The following VAMP7 variants were observed in gnomAD, a reference collection of about 807,000 sequenced individuals.
The protein encoded by VAMP7 is vesicle-associated membrane protein 7.
A neutral mutation model predicts 29.6 loss-of-function variants in VAMP7; 14 were observed. The observed-to-expected ratio is 0.47, with a 90% CI of 0.31 to 0.74. VAMP7 has a LOEUF of 0.74. Among genes scored for constraint, VAMP7 ranks in the 30% least tolerant of loss-of-function variants. The pLI is 0.05. For missense variants in VAMP7, 223 were observed against 262.4 expected (o/e 0.85, Z 1.04); for synonymous variants, 95 against 88.1 (o/e 1.08, Z -0.44).
At chrX:155,884,558 T>TG (rs1272375769) in intron 1 of VAMP7, among the ~76,000 whole-genome samples, 1 of 152,242 alleles carries the variant, frequency 6.6e-6, no homozygotes, top group African/African-American at 2.4e-5. Context: ...GTCGTGAATT[T>TG]AGGATGTGCC....
At chrX:155,938,073 TG>T (rs2066689076) in intron 6 of VAMP7, among the ~76,000 whole-genome samples, 1 of 152,194 alleles carries the variant, frequency 6.6e-6, no homozygotes, top group Non-Finnish European at 1.5e-5. Flanking sequence ...CTGATGACTT[TG>T]TTTAAAATTA....
rs763253285 is a variant in VAMP7 at position 155,920,686 on chromosome X, C to T, written c.501+806C>T. On this transcript the variant is annotated intron_variant, in intron 6 of 7. Coordinates refer to ENST00000286448, the MANE Select transcript of VAMP7 (RefSeq NM_005638.6). The stretch of plus-strand genomic sequence containing the variant: ...TGTGACCTTAGGCAAATGACTTAAC[C>T]TCTTTGTGCCTCAGTCATCATCTTC... Among the ~76,000 whole-genome samples the T allele has an allele frequency of 8.5e-5, 13 of 152,266 alleles. No individual in the cohort carries two copies. The East Asian group carries it at 2.1e-3, about 25-fold the overall frequency.
At chrX:155,940,777 A>G (rs995837581) in intron 7 of VAMP7, among the ~76,000 whole-genome samples, 3 of 152,118 alleles carry the variant, frequency 2.0e-5, no homozygotes, top group Admixed American at 6.6e-5. Context: ...CATTTGTGGC[A>G]TGTGTATGTG....
At chrX:155,927,892 T>A (rs1396364858) in intron 6 of VAMP7, among the ~76,000 whole-genome samples, 1 of 151,848 alleles carries the variant, frequency 6.6e-6, no homozygotes, top group Non-Finnish European at 1.5e-5. Context: ...TTACCCCACC[T>A]TTGGCTTTTG....
intron 5 of VAMP7, among the ~76,000 whole-genome samples, chrX:155,910,041 T>C (rs141288343): frequency 2.0e-5 from 3 of 152,046 alleles, no homozygotes; most frequent in East Asian, 3.9e-4. Flanking sequence ...TTAGAACTTA[T>C]TCCTTCTATC....
chrX:155,931,012 C>T (rs1158752162), intron 6 of VAMP7, among the ~76,000 whole-genome samples: 3 of 152,132 alleles, frequency 2.0e-5, no homozygotes, highest in Non-Finnish European at 2.9e-5. Flanking sequence ...TTTCCAGCTT[C>T]ATCCATGTCC....
chrX:155,887,477 G>A (rs1215700299), intron 1 of VAMP7, among the ~76,000 whole-genome samples: 5 of 152,130 alleles, frequency 3.3e-5, no homozygotes, highest in Admixed American at 3.3e-4. Flanking sequence ...AGTAAGGTAA[G>A]AATAGAGAAG....
intron 5 of VAMP7, among the ~76,000 whole-genome samples, chrX:155,910,717 A>G (rs1170715425): frequency 2.6e-5 from 4 of 151,060 alleles, no homozygotes; most frequent in Admixed American, 6.6e-5. Context: ...GCATTTTTTC[A>G]TATACCTTTT....
intron 5 of VAMP7, among the ~76,000 whole-genome samples, chrX:155,908,133 C>T (rs1401221940): frequency 2.0e-5 from 3 of 152,202 alleles, no homozygotes; most frequent in Middle Eastern, 3.4e-3. Context: ...CAGGCAGAGA[C>T]GCTCCTCACT....
rs187575127 is a variant in VAMP7, at chrX:155,892,753, T to C, written c.147-2870T>C. On this transcript the variant is annotated intron_variant, in intron 2 of 7. Coordinates refer to ENST00000286448, the MANE Select transcript of VAMP7 (RefSeq NM_005638.6). ...CACTTTTCACACTGTATTATTATTATTATTATTATTATTATTGAGACGAAG... is the reference window on the plus strand; with the variant it reads ...CACTTTTCACACTGTATTATTATTACTATTATTATTATTATTGAGACGAAG... Among the ~76,000 whole-genome samples, 42 of 150,754 alleles carry C rather than the reference T, an allele frequency of 2.8e-4. 1 individual carries two copies. The highest frequency in any genetic ancestry group is 2.6e-3 in the Admixed American group (39 of 15,144).
At chrX:155,939,877 A>G in intron 7 of VAMP7, 84 bp downstream of exon 7, 1 of 1,147,518 alleles carries the variant, frequency 8.7e-7, no homozygotes, top group Non-Finnish European at 1.3e-6. Flanking sequence ...AATGATTAAC[A>G]CTCTGAAATG....
At chrX:155,914,118 T>C (rs972091386) in intron 5 of VAMP7, among the ~76,000 whole-genome samples, 11 of 152,150 alleles carry the variant, frequency 7.2e-5, no homozygotes, top group African/African-American at 2.7e-4. Context: ...ATTCTCTTTG[T>C]AGCAATTGTG....
intron 6 of VAMP7, among the ~76,000 whole-genome samples, chrX:155,926,876 G>T (rs752879346): frequency 3.6e-4 from 55 of 152,122 alleles, no homozygotes; most frequent in African/African-American, 1.3e-3. Context: ...TTGTGTCTCG[G>T]CAAATAGGGA....
intron 1 of VAMP7, among the ~76,000 whole-genome samples, chrX:155,889,043 TCTTAA>T (rs758394986): frequency 1.4e-3 from 212 of 152,240 alleles, no homozygotes; most frequent in African/African-American, 4.9e-3. Context: ...GAATCTAGAG[TCTTAA>T]CTTCTGTTGA....
intron 6 of VAMP7, among the ~76,000 whole-genome samples, chrX:155,938,405 G>T (rs1242967114): frequency 6.6e-6 from 1 of 152,190 alleles, no homozygotes; most frequent in Non-Finnish European, 1.5e-5. Flanking sequence ...GGAGTATGTG[G>T]TTGGAGATGA....
intron 6 of VAMP7, 50 bp downstream of exon 6, chrX:155,919,930 A>G (rs2066371645): frequency 2.2e-6 from 3 of 1,382,950 alleles, no homozygotes; most frequent in Non-Finnish European, 2.0e-6. Context: ...TGGAGAAACT[A>G]TGGATGATGG....
At position 155,898,354 on chromosome X, in the gene VAMP7, T is replaced by A. The variant is rs751225514; in HGVS notation, c.342+105T>A. 39 of 1,423,650 alleles carry A rather than the reference T, an allele frequency of 2.7e-5. No individual in the cohort carries two copies. In the South Asian group the frequency reaches 5.7e-4, roughly 21 times the overall value. The allele number at this position is 1,423,650 out of a possible 1,614,324, so 88.2% of individuals were successfully genotyped here. ...GACCTGCAATATAGTTTTCTGATTG[T>A]GTTACTGTAAGCCAACATAATAAAA... On this transcript the variant is annotated intron_variant, in intron 4 of 7. Coordinates refer to ENST00000286448, the MANE Select transcript of VAMP7 (RefSeq NM_005638.6).
chrX:155,885,887 T>C (rs989380567), intron 1 of VAMP7, among the ~76,000 whole-genome samples: 2 of 152,180 alleles, frequency 1.3e-5, no homozygotes, highest in African/African-American at 4.8e-5. Flanking sequence ...TCAGAACTGG[T>C]AGGCGATACA....
chrX:155,936,777 C>G (rs1039082529), intron 6 of VAMP7, among the ~76,000 whole-genome samples: 20 of 152,210 alleles, frequency 1.3e-4, no homozygotes, highest in African/African-American at 4.6e-4. Flanking sequence ...GTGCGTTGCT[C>G]ACGCTGGGGG....
Sources: gnomAD v4.1 joint callset for allele counts (sites outside exome capture counted in the v4.1 genomes callset) on GRCh38, gnomAD v4.1.1 for gene constraint, MANE v1.5 for transcripts, NCBI Gene and HGNC (gene_info 2026-07-23, HGNC 2026-07-21) for gene names.